Variants in YIPF6 observed in about 807,000 individuals in gnomAD.
YIPF6 encodes protein YIPF6.
In YIPF6, 3 loss-of-function variants were observed where a neutral mutation model predicts 16.8. The ratio of observed to expected loss-of-function variants is 0.18; its 90% CI spans 0.08 to 0.46. The LOEUF is 0.46. Ranked by LOEUF, YIPF6 falls within the 20% of genes least tolerant of loss-of-function variation. The pLI, the probability that YIPF6 is intolerant of heterozygous loss-of-function variation, is 0.98. For synonymous variants in YIPF6, 67 were observed against 61.9 expected (o/e 1.08, Z -0.38); for missense variants, 145 against 184.9 (o/e 0.78, Z 1.25).
rs778494388 is a variant in YIPF6, at chrX:68,532,165, T to A, written c.*166T>A. ...GCCATATAGCACTGTCACCCCTTAT[T>A]TGAGGAACTGATGTTTGAAAGGCTG... On this transcript the variant is annotated 3_prime_UTR_variant, in exon 7 of 7. Transcript: ENST00000462683. The A allele has an allele frequency of 7.4e-6, 3 of 405,840 alleles. No individual in the cohort carries two copies. The highest frequency in any genetic ancestry group is 4.7e-5 in the South Asian group (1 of 21,188). 33.4% of individuals were successfully genotyped at this position (405,840 alleles called of 1,213,427 possible). A position where few individuals can be genotyped will look rare whatever the true frequency, so the allele number is the denominator to read the frequency against.
chrX:68,531,882 C>T lies in YIPF6; in HGVS notation c.594C>T (p.Ala198=), dbSNP rs751994338. ...VIVMFAWSIV[A]STAFLADSQP... is the part of the protein sequence containing the mutation. ...TTTGTTTTGTCTTGTTTTGTTTAGC[C>T]TCCACAGCTTTCCTTGCTGATAGCC... Residue 198 remains alanine, a splice_region_variant and synonymous_variant, in exon 7 of 7, where the codon GCC becomes GCT. Coordinates refer to ENST00000462683, the MANE Select transcript of YIPF6 (RefSeq NM_173834.4). 1.0e-4 allele frequency: 118 copies of T among 1,167,833 alleles called. No individual in the cohort carries two copies. Among genetic ancestry groups the T allele is most frequent in the Non-Finnish European group, 1.2e-4 (108 of 868,393 alleles).
At chrX:68,526,519 G>C (rs1344637380) in intron 6 of YIPF6, among the ~76,000 whole-genome samples, 1 of 111,514 alleles carries the variant, frequency 9.0e-6, no homozygotes, top group African/African-American at 3.3e-5. Context: ...TGTTGAATAG[G>C]AGTGGTAAGA....
rs1299799347 is a variant in YIPF6, at chrX:68,535,025, T to G, written c.*3026T>G. 8.9e-6 allele frequency: 1 copy of G among 112,565 alleles called. No homozygotes were observed. The highest frequency in any genetic ancestry group is 1.9e-5 in the Non-Finnish European group (1 of 53,369). 9.3% of individuals were successfully genotyped at this position (112,565 alleles called of 1,213,427 possible). ...TAATTGCTGTTCAGAGTATAAAAAC[T>G]CAATTGATTCCAACATATCTGAATG... On this transcript the variant is annotated 3_prime_UTR_variant, in exon 7 of 7. Transcript: ENST00000462683.
rs2079180553 is a variant in YIPF6, at chrX:68,533,676, A to G, written c.*1677A>G. 9.0e-6 allele frequency: 1 copy of G among 111,613 alleles called. No individual in the cohort carries two copies. 9.2% of individuals were successfully genotyped at this position (111,613 alleles called of 1,213,427 possible). ...CCAGAGTTTTTGGTTATATATTTCT[A>G]TTTATTACAATTTACCTTTTAAATT... On this transcript the variant is annotated 3_prime_UTR_variant, in exon 7 of 7. Coordinates refer to ENST00000462683, the MANE Select transcript of YIPF6 (RefSeq NM_173834.4).
chrX:68,521,764 T>A (rs181340302), intron 5 of YIPF6, among the ~76,000 whole-genome samples: 2,035 of 98,452 alleles, frequency 0.021, 18 homozygotes, highest in African/African-American at 0.035. Flanking sequence ...ATTAAAAAAA[T>A]TTTTTTTTTT....
At chrX:68,510,844 G>A (rs2079078506) in intron 1 of YIPF6, 3 of 112,031 alleles carry the variant, frequency 2.7e-5, no homozygotes, top group Admixed American at 9.5e-5. Context: ...TGTTGGTCAG[G>A]CTGGTCTCAA....
intron 1 of YIPF6, among the ~76,000 whole-genome samples, chrX:68,501,400 G>A (rs1292528887): frequency 8.9e-6 from 1 of 112,037 alleles, no homozygotes; most frequent in Non-Finnish European, 1.9e-5. Flanking sequence ...CCTGCTACAT[G>A]CCAGGTATTG....
At chrX:68,518,989 TATG>T (rs962028459) in intron 4 of YIPF6, among the ~76,000 whole-genome samples, 177 bp downstream of exon 4, 31 of 111,791 alleles carry the variant, frequency 2.8e-4, no homozygotes, top group African/African-American at 9.7e-4. Flanking sequence ...TCAATTAAAA[TATG>T]ATGAAATTAG....
chrX:68,509,005 T>G (rs2079070208), intron 1 of YIPF6, among the ~76,000 whole-genome samples: 1 of 111,447 alleles, frequency 9.0e-6, no homozygotes, highest in South Asian at 3.8e-4. Flanking sequence ...TTGTTGTTGT[T>G]GTTGCTATGG....
At position 68,534,067 on chromosome X, in the gene YIPF6, T is replaced by C. The variant is rs1475851533; in HGVS notation, c.*2068T>C. ...TTGGGACTTAAGGCAGCTTGTTCTATGTATTTATCTTTGCTCTTGGGTGAC... is the reference window on the plus strand; with the variant it reads ...TTGGGACTTAAGGCAGCTTGTTCTACGTATTTATCTTTGCTCTTGGGTGAC... On this transcript the variant is annotated 3_prime_UTR_variant, in exon 7 of 7. Transcript: ENST00000462683. The C allele has an allele frequency of 8.9e-6, 1 of 112,172 alleles. No individual in the cohort carries two copies. Among genetic ancestry groups the C allele is most frequent in the African/African-American group, 3.2e-5 (1 of 30,895 alleles). The allele number at this position is 112,172 out of a possible 1,213,427, so 9.2% of individuals were successfully genotyped here. A position where few individuals can be genotyped will look rare whatever the true frequency, so the allele number is the denominator to read the frequency against.
Position 68,521,478 on chromosome X carries a change from A to G in YIPF6, c.415A>G (p.Lys139Glu). 1 of 1,209,222 alleles carries G rather than the reference A, an allele frequency of 8.3e-7. No homozygotes were observed. Among genetic ancestry groups the G allele is most frequent in the Non-Finnish European group, 1.1e-6 (1 of 894,510 alleles). The change falls in exon 5 of 7, where the codon AAA becomes GAA. Residue 139 changes from lysine (K) to glutamate (E), a missense_variant. Physicochemically the swap from Lys to Glu is moderately conservative, Grantham distance 56 (BLOSUM62 1). Coordinates refer to ENST00000462683, the MANE Select transcript of YIPF6 (RefSeq NM_173834.4). ...TGCAGTTACCATCACCCTCAACTCAAAACTTCTTGGAGGGAACATGTGAGT... is the reference window on the plus strand; with the variant it reads ...TGCAGTTACCATCACCCTCAACTCAGAACTTCTTGGAGGGAACATGTGAGT... ...FGAVTITLNSKLLGGNISFFQ... is the reference protein window; with the variant it reads ...FGAVTITLNSELLGGNISFFQ...
Position 68,524,525 on chromosome X carries a change from T to G in YIPF6, c.592+1608T>G, listed in dbSNP as rs766822147. 3.2e-3 allele frequency among the ~76,000 whole-genome samples: 352 copies of G among 108,878 alleles called. 1 individual carries two copies. Among genetic ancestry groups the G allele is most frequent in the South Asian group, 0.017 (42 of 2,516 alleles). 94.5% of individuals were successfully genotyped at this position (108,878 alleles called of 115,157 possible). Reference sequence around the variant, plus strand: ...AAAATATATATATATATATATGTTTTTATATTATTATTATACTTTAAGTTC... The same window carrying G: ...AAAATATATATATATATATATGTTTGTATATTATTATTATACTTTAAGTTC... On this transcript the variant is annotated intron_variant, in intron 6 of 6. Transcript: ENST00000462683.
chrX:68,499,521 C>T (rs1027012499), intron 1 of YIPF6, among the ~76,000 whole-genome samples: 3 of 112,212 alleles, frequency 2.7e-5, no homozygotes, highest in Non-Finnish European at 5.6e-5. Context: ...GGGACATTAA[C>T]GTTTTGTTGC....
At chrX:68,524,160 A>G (rs1372901418) in intron 6 of YIPF6, among the ~76,000 whole-genome samples, 2 of 110,720 alleles carry the variant, frequency 1.8e-5, no homozygotes, top group Non-Finnish European at 1.9e-5. Flanking sequence ...TTTCCCAGAG[A>G]TGTGATGATG....
At chrX:68,511,332 T>C (rs2079080095) in intron 1 of YIPF6, among the ~76,000 whole-genome samples, 1 of 112,696 alleles carries the variant, frequency 8.9e-6, no homozygotes, top group African/African-American at 3.2e-5. Context: ...CTTTATTCAC[T>C]TTGAAAATTT....
chrX:68,531,770 T>G, intron 6 of YIPF6, 111 bp from the exon 7 acceptor site: 6 of 478,511 alleles, frequency 1.3e-5, no homozygotes, highest in Non-Finnish European at 1.7e-5. Flanking sequence ...ACTTTTAGTG[T>G]AATTCTGTGT....
At chrX:68,515,093 G>C (rs1466763899) in intron 3 of YIPF6, 1 of 110,432 alleles carries the variant, frequency 9.1e-6, no homozygotes, top group African/African-American at 3.3e-5. Flanking sequence ...TTGGGAGGCC[G>C]AGGCGGGCGG....
intron 4 of YIPF6, among the ~76,000 whole-genome samples, chrX:68,520,691 C>T (rs190454290): frequency 7.4e-4 from 82 of 111,379 alleles, no homozygotes; most frequent in Non-Finnish European, 1.3e-3. Flanking sequence ...AGGCTGGTAT[C>T]GAACTCCTGG....
At chrX:68,508,115 C>CTTTTTTTTTTT (rs564298459) in intron 1 of YIPF6, among the ~76,000 whole-genome samples, 1 of 94,757 alleles carries the variant, frequency 1.1e-5, no homozygotes, top group Non-Finnish European at 2.1e-5. Context: ...CTCAGCTATT[C>CTTTTTTTTTTT]TTTTTTTTTT....
Sources: allele counts gnomAD v4.1 joint callset (sites outside exome capture counted in the v4.1 genomes callset), GRCh38; gene constraint gnomAD v4.1.1; transcripts MANE v1.5; gene names NCBI Gene and HGNC (gene_info 2026-07-23, HGNC 2026-07-21).